The following PLOD1 variants were observed in gnomAD, a reference collection of about 807,000 sequenced individuals.
PLOD1 encodes the protein procollagen-lysine,2-oxoglutarate 5-dioxygenase 1.
PLOD1 carries 70 observed loss-of-function variants against 94.7 expected under a neutral mutation model. The ratio of observed to expected loss-of-function variants is 0.74; its 90% CI spans 0.61 to 0.90. The LOEUF is 0.90. PLOD1 is among the 40% of genes least tolerant of loss of function. The pLI is 0.00. For synonymous variants in PLOD1, 417 were observed against 400.2 expected, an observed-to-expected ratio of 1.04 and a Z score of -0.50; for missense variants, 905 against 972.7, an observed-to-expected ratio of 0.93 and a Z score of 0.93.
rs149681296 is a variant in PLOD1, at chr1:11,950,622, G to A, written c.466+102G>A. The A allele has an allele frequency of 1.6e-3, 1,635 of 1,022,110 alleles. 2 individuals carry two copies. The highest frequency in any genetic ancestry group is 0.016 in the Middle Eastern group (50 of 3,186). 63.3% of individuals were successfully genotyped at this position (1,022,110 alleles called of 1,614,324 possible). ...GACGTGCAATCTGGGTGTCTCACAG[G>A]TCTCCAGTGCAGAATGTCCTGAATA... is the stretch of plus-strand genomic sequence containing the variant. On this transcript the variant is annotated intron_variant, in intron 4 of 18. Coordinates refer to ENST00000196061, the MANE Select transcript of PLOD1 (RefSeq NM_000302.4).
At position 11,957,287 on chromosome 1, in the gene PLOD1, C is replaced by T. The variant is rs779816994; in HGVS notation, c.741+273C>T. ...TAGGCTGGGCTACCAGAGCCATCTG[C>T]ACTGTCACCCCAGGGCAGAGTCACT... On this transcript the variant is annotated intron_variant, in intron 7 of 18. Transcript: ENST00000196061. This position sits in a 1 kb window ranked among gnomAD's most constrained non-coding sequence, Gnocchi z 4.1. 23 of 672,730 alleles carry T rather than the reference C, an allele frequency of 3.4e-5. No individual in the cohort carries two copies. Among genetic ancestry groups the T allele is most frequent in the Non-Finnish European group, 6.2e-5 (22 of 356,354 alleles). 41.7% of individuals were successfully genotyped at this position (672,730 alleles called of 1,614,324 possible). A position where few individuals can be genotyped will look rare whatever the true frequency, so the allele number is the denominator to read the frequency against.
rs1405038635 is a variant in PLOD1 at position 11,957,791 on chromosome 1, A to G, written c.742-51A>G. On this transcript the variant is annotated intron_variant, in intron 7 of 18. Coordinates refer to ENST00000196061, the MANE Select transcript of PLOD1 (RefSeq NM_000302.4). This position sits in a 1 kb window ranked among gnomAD's most constrained non-coding sequence, Gnocchi z 4.1. Reference sequence around the variant, plus strand: ...GCCCAGGGAGATGTGAGTCAGGGCTATGGCAGGTGGGGCTGGCTGGCTTCT... The same window carrying G: ...GCCCAGGGAGATGTGAGTCAGGGCTGTGGCAGGTGGGGCTGGCTGGCTTCT... The G allele has an allele frequency of 2.4e-6, 3 of 1,245,842 alleles. No individual in the cohort carries two copies. Among genetic ancestry groups the G allele is most frequent in the Admixed American group, 1.7e-5 (1 of 59,580 alleles). The allele number at this position is 1,245,842 out of a possible 1,614,324, so 77.2% of individuals were successfully genotyped here.
At chr1:11,955,218 G>A (rs1205384690) in intron 6 of PLOD1, among the ~76,000 whole-genome samples, 1 of 152,226 alleles carries the variant, frequency 6.6e-6, no homozygotes, top group African/African-American at 2.4e-5. Flanking sequence ...CCACCTTCCA[G>A]GTGAAGGAGT....
In PLOD1 at chr1:11,970,704, C is replaced by G; in HGVS notation, c.1790C>G (p.Pro597Arg). Reference protein sequence around the residue: ...NRIQGGYENVPTIDIHMNQIG... With the variant: ...NRIQGGYENVRTIDIHMNQIG... Reference sequence around the variant, plus strand: ...ATCCAGGGTGGCTACGAGAACGTGCCGACTATTGACATCCACATGAACCAG... The same window carrying G: ...ATCCAGGGTGGCTACGAGAACGTGCGGACTATTGACATCCACATGAACCAG... The change falls in exon 17 of 19, where the codon CCG becomes CGG. Residue 597 changes from proline (P) to arginine (R), a missense_variant. Transcript: ENST00000196061. 6.2e-7 allele frequency: 1 copy of G among 1,612,934 alleles called. No individual in the cohort carries two copies. Among genetic ancestry groups the G allele is most frequent in the South Asian group, 1.1e-5 (1 of 91,036 alleles).
intron 5 of PLOD1, among the ~76,000 whole-genome samples, chr1:11,953,623 C>G (rs1412532543): frequency 1.3e-5 from 2 of 151,502 alleles, no homozygotes; most frequent in Non-Finnish European, 2.9e-5. Context: ...GAAACCCTGT[C>G]TCTACTAAAA....
intron 1 of PLOD1, among the ~76,000 whole-genome samples, chr1:11,935,229 A>G (rs1645569962): frequency 6.6e-6 from 1 of 152,194 alleles, no homozygotes. Flanking sequence ...CAGCTGGGCA[A>G]ACTGAGGCTC....
At chr1:11,954,362 C>T (rs924075063) in intron 5 of PLOD1, 7 of 348,286 alleles carry the variant, frequency 2.0e-5, no homozygotes, top group African/African-American at 4.3e-5. Flanking sequence ...GGCACATGCC[C>T]GTAGTCCCAG....
chr1:11,936,851 CTT>C (rs111736832), intron 1 of PLOD1, among the ~76,000 whole-genome samples: 1 of 140,966 alleles, frequency 7.1e-6, no homozygotes, highest in Non-Finnish European at 1.5e-5. Flanking sequence ...TCTTTTCTTT[CTT>C]TTTTTTTTTT....
intron 2 of PLOD1, among the ~76,000 whole-genome samples, chr1:11,949,346 C>T (rs1172174843): frequency 2.6e-5 from 4 of 152,146 alleles, no homozygotes; most frequent in Non-Finnish European, 4.4e-5. Flanking sequence ...CCGGCTAATC[C>T]TCATACAGGT....
intron 5 of PLOD1, 86 bp downstream of exon 5, chr1:11,952,821 C>G: frequency 1.0e-6 from 1 of 965,972 alleles, no homozygotes; most frequent in Non-Finnish European, 1.7e-6. Flanking sequence ...AGGCCTGAAC[C>G]CCTGGGTTGG....
chr1:11,966,347 C>T (rs181227488), intron 15 of PLOD1, 31 bp downstream of exon 15: 1 of 1,541,566 alleles, frequency 6.5e-7, no homozygotes, highest in South Asian at 1.1e-5. Context: ...CTTGGACCAG[C>T]CTTGCCTGCT....
At chr1:11,951,753 A>C (rs1645704253) in intron 4 of PLOD1, among the ~76,000 whole-genome samples, 3 of 150,732 alleles carry the variant, frequency 2.0e-5, no homozygotes, top group South Asian at 2.1e-4. Context: ...CCCCGTCTCC[A>C]CTAAAAATAC....
rs926169018 is a variant in PLOD1, at chr1:11,963,812, C to A, written c.1202+176C>A. 6.6e-6 allele frequency among the ~76,000 whole-genome samples: 1 copy of A among 151,152 alleles called. No homozygotes were observed. The highest frequency in any genetic ancestry group is 1.5e-5 in the Non-Finnish European group (1 of 67,900). The stretch of plus-strand genomic sequence containing the variant: ...TCCTTGTCTTCCTCCTCCTCTTCCT[C>A]TTCCTCCTCTTCCTCCTTTTTCCTC... On this transcript the variant is annotated intron_variant, in intron 11 of 18. Coordinates refer to ENST00000196061, the MANE Select transcript of PLOD1 (RefSeq NM_000302.4). The surrounding 1 kb of genome is among the most constrained non-coding windows in gnomAD (Gnocchi z 4.3).
At chr1:11,964,514 C>A in intron 12 of PLOD1, 130 bp from the exon 13 acceptor site, 1 of 962,108 alleles carries the variant, frequency 1.0e-6, no homozygotes, top group Non-Finnish European at 1.7e-6. Flanking sequence ...ACAATTGTGC[C>A]CCCCTAGCCT....
chr1:11,944,865 C>T (rs1359783678), intron 1 of PLOD1, among the ~76,000 whole-genome samples: 1 of 152,232 alleles, frequency 6.6e-6, no homozygotes, highest in Non-Finnish European at 1.5e-5. Context: ...TTCCTACAGT[C>T]TAGGTTCCTC....
rs1645743784 is a variant in PLOD1 at position 11,957,030 on chromosome 1, C to T, written c.741+16C>T. The T allele has an allele frequency of 1.3e-6, 2 of 1,530,058 alleles. No homozygotes were observed. Among genetic ancestry groups the T allele is most frequent in the African/African-American group, 2.7e-5 (2 of 73,228 alleles). The allele number at this position is 1,530,058 out of a possible 1,614,324, so 94.8% of individuals were successfully genotyped here. Reference sequence around the variant, plus strand: ...GCCAACCAAGGTAGGGGGTCCCCAGCCCCTGGGGAGTGTGGGAGGGGGCCA... The same window carrying T: ...GCCAACCAAGGTAGGGGGTCCCCAGTCCCTGGGGAGTGTGGGAGGGGGCCA... On this transcript the variant is annotated intron_variant, in intron 7 of 18. Transcript: ENST00000196061. This position sits in a 1 kb window ranked among gnomAD's most constrained non-coding sequence, Gnocchi z 4.1.
At chr1:11,952,764 G>A (rs752959284) in intron 5 of PLOD1, 29 bp downstream of exon 5, 5 of 1,503,974 alleles carry the variant, frequency 3.3e-6, no homozygotes, top group African/African-American at 1.4e-5. Context: ...GCCAAGGAGA[G>A]GGGGCTGGGG....
chr1:11,945,984 C>A (rs557256615), intron 1 of PLOD1, among the ~76,000 whole-genome samples: 1 of 152,290 alleles, frequency 6.6e-6, no homozygotes, highest in African/African-American at 2.4e-5. Context: ...GCTGGGATTA[C>A]CGGTGTGAGC....
intron 5 of PLOD1, among the ~76,000 whole-genome samples, chr1:11,952,951 G>T (rs992416162): frequency 6.6e-6 from 1 of 152,180 alleles, no homozygotes; most frequent in Non-Finnish European, 1.5e-5. Flanking sequence ...TTGGGTTCTG[G>T]TCAGAGCCCT....
Sources: gnomAD v4.1 joint callset for allele counts (sites outside exome capture counted in the v4.1 genomes callset) on GRCh38, gnomAD v4.1.1 for gene constraint, Gnocchi (gnomAD v3.1) non-coding constraint, MANE v1.5 for transcripts, NCBI Gene and HGNC (gene_info 2026-07-23, HGNC 2026-07-21) for gene names.